FAM162A: variants seen among roughly 807,000 people sequenced by gnomAD.
The protein encoded by FAM162A is protein FAM162A.
In FAM162A, 23 loss-of-function variants were observed where a neutral mutation model predicts 21.8. That is an observed-to-expected ratio of 1.05 (90% CI 0.76 to 1.49). The LOEUF (loss-of-function observed/expected upper bound fraction) is 1.49. FAM162A is among the 40% of genes most tolerant of loss of function. The pLI, the probability that FAM162A is intolerant of heterozygous loss-of-function variation, is 0.00. For synonymous variants in FAM162A, 53 were observed against 61.3 expected (o/e 0.86, Z 0.64); for missense variants, 165 against 186.4 (o/e 0.89, Z 0.67).
chr3:122,397,193 T>G (rs753859470), intron 1 of FAM162A, among the ~76,000 whole-genome samples: 3 of 152,196 alleles, frequency 2.0e-5, no homozygotes, highest in Non-Finnish European at 1.5e-5. Context: ...TAAATTGTTA[T>G]GTTCAAAAGA....
intron 1 of FAM162A, among the ~76,000 whole-genome samples, chr3:122,398,023 G>A (rs1161391482): frequency 6.6e-6 from 1 of 152,178 alleles, no homozygotes; most frequent in Non-Finnish European, 1.5e-5. Context: ...GGACTCGGGA[G>A]CCAACTTAGA....
Position 122,404,281 on chromosome 3 carries a change from C to A in FAM162A, c.181C>A (p.His61Asn). 1 of 1,603,724 alleles carries A rather than the reference C, an allele frequency of 6.2e-7. No homozygotes were observed. Residue 61 changes from histidine to asparagine, a missense_variant, in exon 3 of 5, where the codon CAC (histidine) becomes AAC (asparagine). Coordinates refer to ENST00000477892, the MANE Select transcript of FAM162A (RefSeq NM_014367.4). Reference protein sequence around the residue: ...PSRTYNRVPLHKPTDWQKKIL... With the variant: ...PSRTYNRVPLNKPTDWQKKIL... ...AGGCACTTACAACAGAGTGCCTTTACACAAACCTACGGATTGGCAGAAAAA... is the reference window on the plus strand; with the variant it reads ...AGGCACTTACAACAGAGTGCCTTTAAACAAACCTACGGATTGGCAGAAAAA...
In FAM162A at chr3:122,411,786, C is replaced by T. The variant is rs1432935597; in HGVS notation, c.*1955C>T. 2 of 152,118 alleles carry T rather than the reference C, an allele frequency of 1.3e-5. No homozygotes were observed. The highest frequency in any genetic ancestry group is 2.4e-5 in the African/African-American group (1 of 41,410). 9.4% of individuals were successfully genotyped at this position (152,118 alleles called of 1,614,324 possible). ...GCCAGGCTGGTCTCAAACTCCTGAC[C>T]TCAGGTGATCAGCCTCCCTCGGCCT... On this transcript the variant is annotated 3_prime_UTR_variant, in exon 5 of 5. Coordinates refer to ENST00000477892, the MANE Select transcript of FAM162A (RefSeq NM_014367.4).
chr3:122,392,891 CATA>C (rs1400919269), intron 1 of FAM162A, among the ~76,000 whole-genome samples: 1 of 151,082 alleles, frequency 6.6e-6, no homozygotes, highest in Non-Finnish European at 1.5e-5. Flanking sequence ...TAATGTTTTA[CATA>C]ATATTTCAAA....
chr3:122,394,748 A>G (rs145355755), intron 1 of FAM162A, among the ~76,000 whole-genome samples: 172 of 152,340 alleles, frequency 1.1e-3, no homozygotes, highest in African/African-American at 3.8e-3. Flanking sequence ...AATTCTTCCA[A>G]AATACAAAAG....
At position 122,411,409 on chromosome 3, in the gene FAM162A, C is replaced by G. The variant is rs761891412; in HGVS notation, c.*1578C>G. On this transcript the variant is annotated 3_prime_UTR_variant, in exon 5 of 5. Transcript: ENST00000477892. Reference sequence around the variant, plus strand: ...ATTAGTTTTTCTTATTTTGGGACACCTACACCAATGTTTTAAATGTGGATA... The same window carrying G: ...ATTAGTTTTTCTTATTTTGGGACACGTACACCAATGTTTTAAATGTGGATA... 1 of 152,052 alleles carries G rather than the reference C, an allele frequency of 6.6e-6. No homozygotes were observed. The highest frequency in any genetic ancestry group is 1.5e-5 in the Non-Finnish European group (1 of 68,018). The allele number at this position is 152,052 out of a possible 1,614,324, so 9.4% of individuals were successfully genotyped here.
At chr3:122,385,677 C>T (rs1039771669) in intron 1 of FAM162A, among the ~76,000 whole-genome samples, 7 of 152,154 alleles carry the variant, frequency 4.6e-5, no homozygotes, top group Admixed American at 3.3e-4. Context: ...AAAAACTTCA[C>T]TATTGACCAC....
At chr3:122,384,431 A>G (rs2075563480) in intron 1 of FAM162A, 132 bp downstream of exon 1, 4 of 1,124,642 alleles carry the variant, frequency 3.6e-6, no homozygotes, top group African/African-American at 1.5e-5. Flanking sequence ...TCAGAATCCT[A>G]CCTACTTAGT....
Position 122,384,217 on chromosome 3 carries a change from C to T in FAM162A, c.-49C>T. ...TGGGTGACATTGAGCTCACCAGCGC[C>T]ACCGTCCCCGGCGAAGTTCTGCGCT... On this transcript the variant is annotated 5_prime_UTR_variant, in exon 1 of 5. Coordinates refer to ENST00000477892, the MANE Select transcript of FAM162A (RefSeq NM_014367.4). The T allele has an allele frequency of 1.9e-6, 3 of 1,553,122 alleles. No homozygotes were observed. The highest frequency in any genetic ancestry group is 1.2e-5 in the South Asian group (1 of 84,154).
At chr3:122,386,335 G>C (rs936916470) in intron 1 of FAM162A, among the ~76,000 whole-genome samples, 1 of 152,130 alleles carries the variant, frequency 6.6e-6, no homozygotes, top group Non-Finnish European at 1.5e-5. Flanking sequence ...GATTGCTTGA[G>C]ACCAGGAGTT....
At chr3:122,387,947 TGAGA>T (rs1383806034) in intron 1 of FAM162A, among the ~76,000 whole-genome samples, 1 of 151,924 alleles carries the variant, frequency 6.6e-6, no homozygotes, top group Non-Finnish European at 1.5e-5. Flanking sequence ...AAAAAGGATA[TGAGA>T]GAGGAAAGAT....
intron 1 of FAM162A, among the ~76,000 whole-genome samples, chr3:122,388,194 T>G (rs924427537): frequency 2.0e-5 from 3 of 152,208 alleles, no homozygotes; most frequent in African/African-American, 7.2e-5. Flanking sequence ...ATTTAGGAAG[T>G]GTCTTGAAGA....
At chr3:122,408,786 A>G (rs2075689812) in intron 4 of FAM162A, among the ~76,000 whole-genome samples, 1 of 152,238 alleles carries the variant, frequency 6.6e-6, no homozygotes, top group African/African-American at 2.4e-5. Context: ...TCCAGAAGCA[A>G]ATTATTCACC....
At chr3:122,407,653 T>C in intron 4 of FAM162A, 1 of 486,614 alleles carries the variant, frequency 2.1e-6, no homozygotes, top group Non-Finnish European at 3.6e-6. Flanking sequence ...GTGTTTCTGA[T>C]GACAGGTGTC....
In FAM162A at chr3:122,409,913, G is replaced by A. The variant is rs748266678; in HGVS notation, c.*82G>A. 7.6e-6 allele frequency: 9 copies of A among 1,183,320 alleles called. No individual in the cohort carries two copies. Among genetic ancestry groups the A allele is most frequent in the Non-Finnish European group, 1.1e-5 (9 of 795,494 alleles). The allele number at this position is 1,183,320 out of a possible 1,614,324, so 73.3% of individuals were successfully genotyped here. ...CTGTATTAAAAAGGATGTGGTATGAGGATCCATTTCATAAAGTATGATTTG... is the reference window on the plus strand; with the variant it reads ...CTGTATTAAAAAGGATGTGGTATGAAGATCCATTTCATAAAGTATGATTTG... On this transcript the variant is annotated 3_prime_UTR_variant, in exon 5 of 5. Transcript: ENST00000477892.
chr3:122,388,686 A>G (rs1345731770), intron 1 of FAM162A, among the ~76,000 whole-genome samples: 1 of 152,134 alleles, frequency 6.6e-6, no homozygotes, highest in East Asian at 1.9e-4. Context: ...GAAAGATGAG[A>G]TCAGTCGAAT....
chr3:122,392,623 A>G (rs1239022177), intron 1 of FAM162A, among the ~76,000 whole-genome samples: 1 of 152,218 alleles, frequency 6.6e-6, no homozygotes, highest in Non-Finnish European at 1.5e-5. Context: ...AGAACTGTGG[A>G]TGCAGAAACT....
rs1047028116 is a variant in FAM162A at position 122,401,015 on chromosome 3, T to A, written c.35-1745T>A. Among the ~76,000 whole-genome samples, 8 of 152,228 alleles carry A rather than the reference T, an allele frequency of 5.3e-5. 1 individual carries two copies. Among genetic ancestry groups the A allele is most frequent in the Admixed American group, 5.2e-4 (8 of 15,282 alleles). ...TGTTTTCCATATATACTTAAGATAT[T>A]TCTATGAAAATGTCTTATCCTAATA... On this transcript the variant is annotated intron_variant, in intron 1 of 4. Transcript: ENST00000477892.
chr3:122,392,231 T>C (rs1576247780), intron 1 of FAM162A, among the ~76,000 whole-genome samples: 1 of 152,228 alleles, frequency 6.6e-6, no homozygotes, highest in East Asian at 1.9e-4. Flanking sequence ...GAAATAATTA[T>C]TGATTCTTTT....
Sources: gnomAD v4.1 joint callset for allele counts (sites outside exome capture counted in the v4.1 genomes callset) on GRCh38, gnomAD v4.1.1 for gene constraint, MANE v1.5 for transcripts, NCBI Gene and HGNC (gene_info 2026-07-23, HGNC 2026-07-21) for gene names.